TMEM184B: variants seen among roughly 807,000 people sequenced by gnomAD.
TMEM184B encodes putative MAPK-activating protein FM08.
Under a neutral mutation model 41.8 loss-of-function variants are expected in TMEM184B, and 17 were observed. The observed-to-expected ratio is 0.41, with a 90% CI of 0.28 to 0.61. The LOEUF (loss-of-function observed/expected upper bound fraction) is 0.61. TMEM184B is among the 20% of genes least tolerant of loss of function. The pLI is 0.34. For synonymous variants in TMEM184B, 240 were observed against 229.5 expected (o/e 1.05, Z -0.41); for missense variants, 393 against 557.8 (o/e 0.70, Z 2.98).
At chr22:38,266,084 G>C (rs1485857372) in intron 1 of TMEM184B, among the ~76,000 whole-genome samples, 1 of 152,212 alleles carries the variant, frequency 6.6e-6, no homozygotes, top group Non-Finnish European at 1.5e-5. Flanking sequence ...GGGTAACAGA[G>C]GCAGTAACTT....
intron 2 of TMEM184B, 25 bp downstream of exon 2, chr22:38,247,745 G>T: frequency 6.2e-7 from 1 of 1,600,270 alleles, no homozygotes. Context: ...GACCTTTCTA[G>T]AGGCCCCTTG....
intron 1 of TMEM184B, chr22:38,272,359 G>C (rs2092537462): frequency 3.4e-6 from 2 of 595,692 alleles, no homozygotes; most frequent in Non-Finnish European, 4.2e-6. Context: ...CCAGGTCCCA[G>C]TCGATCCCCT....
intron 3 of TMEM184B, among the ~76,000 whole-genome samples, chr22:38,243,860 C>G (rs2091967424): frequency 6.6e-6 from 1 of 152,136 alleles, no homozygotes; most frequent in Non-Finnish European, 1.5e-5. Flanking sequence ...CCATCCTGCT[C>G]TGGCAGGGCT....
At chr22:38,227,383 G>A (rs565395260) in intron 5 of TMEM184B, among the ~76,000 whole-genome samples, 1 of 152,304 alleles carries the variant, frequency 6.6e-6, no homozygotes, top group South Asian at 2.1e-4. Flanking sequence ...CACTAGAGAG[G>A]TGGCTGAGGA....
intron 5 of TMEM184B, among the ~76,000 whole-genome samples, chr22:38,227,318 G>A (rs561115793): frequency 1.1e-3 from 163 of 152,202 alleles, no homozygotes; most frequent in African/African-American, 3.6e-3. Context: ...CAGGCAGAGG[G>A]GGCAGCTTGC....
chr22:38,255,264 T>C (rs1039924309), intron 1 of TMEM184B, among the ~76,000 whole-genome samples: 1 of 152,192 alleles, frequency 6.6e-6, no homozygotes, highest in Non-Finnish European at 1.5e-5. Context: ...GACCTTGTGA[T>C]CCGCCCGCCT....
chr22:38,270,510 T>C (rs140754733), intron 1 of TMEM184B, among the ~76,000 whole-genome samples: 410 of 152,352 alleles, frequency 2.7e-3, no homozygotes, highest in African/African-American at 9.5e-3. Context: ...AGTAGGGCAC[T>C]GTCTTGCACA....
chr22:38,268,577 G>C (rs542254751), intron 1 of TMEM184B, among the ~76,000 whole-genome samples: 68 of 152,268 alleles, frequency 4.5e-4, no homozygotes, highest in Non-Finnish European at 1.0e-4. Flanking sequence ...CTCTGAGGCT[G>C]AGGAGATGGC....
At chr22:38,218,536 A>G (rs552300823), downstream of TMEM184B, among the ~76,000 whole-genome samples, 7 of 152,004 alleles carry the variant, frequency 4.6e-5, no homozygotes, top group African/African-American at 1.4e-4. Flanking sequence ...CTGGCTGGGT[A>G]TGGGGCCCGC....
At position 38,225,183 on chromosome 22, in the gene TMEM184B, T is replaced by C. The variant is rs904553833; in HGVS notation, c.788-204A>G. Among the ~76,000 whole-genome samples, 16 of 152,126 alleles carry C rather than the reference T, an allele frequency of 1.1e-4. No homozygotes were observed. Among genetic ancestry groups the C allele is most frequent in the Admixed American group, 4.6e-4 (7 of 15,288 alleles). On this transcript the variant is annotated intron_variant, in intron 7 of 8. Coordinates refer to ENST00000361906, the MANE Select transcript of TMEM184B (RefSeq NM_012264.5). This position sits in a 1 kb window ranked among gnomAD's most constrained non-coding sequence, Gnocchi z 4.4. ...CAGCTCTTTGCCACCGAAACTGAGATGCCAGCAATTACGCAGGGTCTCCTG... is the reference window on the plus strand; with the variant it reads ...CAGCTCTTTGCCACCGAAACTGAGACGCCAGCAATTACGCAGGGTCTCCTG...
rs2145690453 is a variant in TMEM184B, at chr22:38,246,471, G to A, written c.193-371C>T. The A allele has an allele frequency of 1.4e-5, 4 of 290,716 alleles. No individual in the cohort carries two copies. The South Asian group carries it at 1.4e-4, about 10-fold the overall frequency. The allele number at this position is 290,716 out of a possible 1,614,324, so 18.0% of individuals were successfully genotyped here. ...GCACTGGCAGCTCTGGGCCATCAGT[G>A]TGTGCCCTTTCCCTCTACCTCACTC... On this transcript the variant is annotated intron_variant, in intron 2 of 8. Transcript: ENST00000361906.
intron 1 of TMEM184B, among the ~76,000 whole-genome samples, chr22:38,250,149 A>G (rs1052431103): frequency 2.0e-5 from 3 of 152,226 alleles, no homozygotes; most frequent in African/African-American, 4.8e-5. Flanking sequence ...CCTGACACCA[A>G]CGGAGGTTTC....
intron 3 of TMEM184B, among the ~76,000 whole-genome samples, chr22:38,244,619 G>C (rs548747265): frequency 1.3e-5 from 2 of 152,260 alleles, no homozygotes; most frequent in African/African-American, 4.8e-5. Context: ...ATTATGCCCG[G>C]ATAATTTTGT....
At chr22:38,218,606 C>T (rs762273604), downstream of TMEM184B, among the ~76,000 whole-genome samples, 1 of 152,134 alleles carries the variant, frequency 6.6e-6, no homozygotes, top group African/African-American at 2.4e-5. Context: ...GGCCAGATCA[C>T]GTAGGTAGGC....
At chr22:38,263,337 T>G (rs2092398005) in intron 1 of TMEM184B, among the ~76,000 whole-genome samples, 1 of 152,218 alleles carries the variant, frequency 6.6e-6, no homozygotes, top group African/African-American at 2.4e-5. Flanking sequence ...TTGCGGTGTC[T>G]GCCCAGAGAC....
At chr22:38,259,151 C>G (rs974442988) in intron 1 of TMEM184B, among the ~76,000 whole-genome samples, 1 of 152,188 alleles carries the variant, frequency 6.6e-6, no homozygotes, top group African/African-American at 2.4e-5. Context: ...ACTTGGCCAC[C>G]TGCCTTGGAG....
At chr22:38,264,027 C>A (rs1602497987) in intron 1 of TMEM184B, among the ~76,000 whole-genome samples, 1 of 152,116 alleles carries the variant, frequency 6.6e-6, no homozygotes, top group Non-Finnish European at 1.5e-5. Flanking sequence ...CTGGTCTCGA[C>A]CTCCTGACCT....
At chr22:38,262,800 T>C (rs2092390350) in intron 1 of TMEM184B, among the ~76,000 whole-genome samples, 1 of 152,228 alleles carries the variant, frequency 6.6e-6, no homozygotes, top group Non-Finnish European at 1.5e-5. Context: ...TTTTGATTAG[T>C]GGTCTGGGGC....
At position 38,271,529 on chromosome 22, in the gene TMEM184B, GGCTTCA is replaced by G. The variant is rs147107325; in HGVS notation, c.-59+1349_-59+1354del. On this transcript the variant is annotated intron_variant, in intron 1 of 8. Transcript: ENST00000361906. Reference sequence around the variant, plus strand: ...TCAGATGAACGTCAGTCATCCTTCAGGCTTCAGCTCAACCGTCTCCTTATGAGGGAG... The same window carrying G: ...TCAGATGAACGTCAGTCATCCTTCAGGCTCAACCGTCTCCTTATGAGGGAG... 7.2e-5 allele frequency among the ~76,000 whole-genome samples: 11 copies of G among 152,296 alleles called. No individual in the cohort carries two copies. In the East Asian group the frequency reaches 2.1e-3, roughly 29 times the overall value.
Sources: allele counts gnomAD v4.1 joint callset (sites outside exome capture counted in the v4.1 genomes callset), GRCh38; gene constraint gnomAD v4.1.1; non-coding constraint Gnocchi (gnomAD v3.1); transcripts MANE v1.5; gene names NCBI Gene and HGNC (gene_info 2026-07-23, HGNC 2026-07-21).